RBM12: variants seen among roughly 807,000 people sequenced by gnomAD.
RBM12 encodes the protein RNA binding motif protein 12.
A neutral mutation model predicts 37.2 loss-of-function variants in RBM12; 24 were observed. The ratio of observed to expected loss-of-function variants is 0.65; its 90% CI spans 0.47 to 0.91. The LOEUF (loss-of-function observed/expected upper bound fraction) is 0.91. Ranked by LOEUF, RBM12 falls within the 40% of genes least tolerant of loss-of-function variation. The pLI is 0.00. For missense variants in RBM12, 1,061 were observed against 1,183.2 expected (o/e 0.90, Z 1.52); for synonymous variants, 420 against 425.2 (o/e 0.99, Z 0.15).
Position 35,655,060 on chromosome 20 carries a change from C to A in RBM12, c.263G>T (p.Arg88Met). 1 of 1,614,142 alleles carries A rather than the reference C, an allele frequency of 6.2e-7. No homozygotes were observed. The highest frequency in any genetic ancestry group is 8.5e-7 in the Non-Finnish European group (1 of 1,180,036). Reference sequence around the variant, plus strand: ...ATCTAAGTTGGCAGTTTCAAAACGCCTACGACTCAGTTCAATCATATTCTG... The same window carrying A: ...ATCTAAGTTGGCAGTTTCAAAACGCATACGACTCAGTTCAATCATATTCTG... ...EMQNMIELSR[R>M]RFETANLDIP... The change falls in exon 3 of 3, where the codon AGG becomes ATG. Residue 88 changes from arginine to methionine, a missense_variant. Physicochemically the swap from Arg to Met is moderately conservative, Grantham distance 91. Around this residue, in one of 3 missense-constraint regions of RBM12, gnomAD observed 540 missense variants for 632.7 expected, o/e 0.85. Transcript: ENST00000374114.
chr20:35,659,933 C>T lies in RBM12; in HGVS notation c.-107-919G>A, dbSNP rs544957542. On this transcript the variant is annotated intron_variant, in intron 1 of 2. Coordinates refer to ENST00000374114, the MANE Select transcript of RBM12 (RefSeq NM_006047.6). ...TCAGTATTAAGATTACCTACGACTA[C>T]TTTTCCAAATGATGCTCATCTTAAA... Among the ~76,000 whole-genome samples the T allele has an allele frequency of 1.3e-4, 20 of 152,298 alleles. No homozygotes were observed. In the East Asian group the frequency reaches 3.7e-3, roughly 28 times the overall value.
intron 2 of RBM12, 69 bp from the exon 3 acceptor site, chr20:35,655,413 A>G: frequency 1.5e-6 from 2 of 1,320,572 alleles, no homozygotes; most frequent in Non-Finnish European, 2.1e-6. Context: ...AGCTACAAGA[A>G]TGACCAGCTA....
chr20:35,658,156 C>T lies in RBM12; in HGVS notation c.-23+774G>A, dbSNP rs77860344. On this transcript the variant is annotated intron_variant, in intron 2 of 2. Coordinates refer to ENST00000374114, the MANE Select transcript of RBM12 (RefSeq NM_006047.6). ...TGACAGCTAAGTCATTTCAACCTAA[C>T]TTGGGCCTATCTTAGTTACTTAAAC... Among the ~76,000 whole-genome samples the T allele has an allele frequency of 3.2e-3, 484 of 152,314 alleles. 1 individual carries two copies. The highest frequency in any genetic ancestry group is 0.011 in the African/African-American group (449 of 41,564).
chr20:35,663,697 A>G (rs756425356), intron 1 of RBM12, among the ~76,000 whole-genome samples: 5 of 152,184 alleles, frequency 3.3e-5, no homozygotes, highest in Non-Finnish European at 5.9e-5. Context: ...TAACCCTCAC[A>G]AGAGCCCCTC....
chr20:35,651,508 A>G lies in RBM12; in HGVS notation c.*1016T>C, dbSNP rs1014799682. 7 of 152,246 alleles carry G rather than the reference A, an allele frequency of 4.6e-5. No individual in the cohort carries two copies. Among genetic ancestry groups the G allele is most frequent in the African/African-American group, 1.7e-4 (7 of 41,462 alleles). The allele number at this position is 152,246 out of a possible 1,614,324, so 9.4% of individuals were successfully genotyped here. A position where few individuals can be genotyped will look rare whatever the true frequency, so the allele number is the denominator to read the frequency against. On this transcript the variant is annotated 3_prime_UTR_variant, in exon 3 of 3. Transcript: ENST00000374114. ...TTCTATACTACTACTGCTAACAAAGATAATTTCAACTTCAGTTTTAAAAAC... is the reference window on the plus strand; with the variant it reads ...TTCTATACTACTACTGCTAACAAAGGTAATTTCAACTTCAGTTTTAAAAAC...
At position 35,653,907 on chromosome 20, in the gene RBM12, G is replaced by A. The variant is rs374099133; in HGVS notation, c.1416C>T (p.Gly472=). 1.4e-5 allele frequency: 23 copies of A among 1,613,950 alleles called. No individual in the cohort carries two copies. Among genetic ancestry groups the A allele is most frequent in the Admixed American group, 5.0e-5 (3 of 59,994 alleles). The change falls in exon 3 of 3, where the codon GGC becomes GGT. Residue 472 remains glycine, a synonymous_variant. Transcript: ENST00000374114. ...CATTTCTGAACTCTACAAAGCCTTC[G>A]CCAGTTGCTTTCCCATTGGGTCCAT... ...IAYGPNGKAT[G]EGFVEFRNEA...
At position 35,649,781 on chromosome 20, in the gene RBM12, A is replaced by G. The variant is rs1458563520; in HGVS notation, c.*2743T>C. The G allele has an allele frequency of 6.6e-6, 1 of 152,374 alleles. No homozygotes were observed. The allele number at this position is 152,374 out of a possible 1,614,324, so 9.4% of individuals were successfully genotyped here. Reference sequence around the variant, plus strand: ...CAATAAAAAAAAAATCAGAAGGGAGAGGAAAAAAAATTAAATCTAATGGAA... The same window carrying G: ...CAATAAAAAAAAAATCAGAAGGGAGGGGAAAAAAAATTAAATCTAATGGAA... On this transcript the variant is annotated 3_prime_UTR_variant, in exon 3 of 3. Transcript: ENST00000374114.
At position 35,653,015 on chromosome 20, in the gene RBM12, G is replaced by C. The variant is rs886883866; in HGVS notation, c.2308C>G (p.Pro770Ala). Residue 770 changes from proline to alanine, a missense_variant, in exon 3 of 3, where the codon CCG becomes GCG. By Grantham distance (27) the Pro-to-Ala change is conservative (BLOSUM62 -1). Around this residue, in one of 3 missense-constraint regions of RBM12, gnomAD observed 517 missense variants for 534.0 expected, o/e 0.97. Transcript: ENST00000374114. ...TTGTTTGGTCCACCTCCAAAACCCGGAACATCCAGTCCTAGACCAGGCAAA... is the reference window on the plus strand; with the variant it reads ...TTGTTTGGTCCACCTCCAAAACCCGCAACATCCAGTCCTAGACCAGGCAAA... ...SGLPGLGLDV[P>A]GFGGGPNNLS... is the part of the protein sequence containing the mutation. The C allele has an allele frequency of 6.2e-7, 1 of 1,613,812 alleles. No individual in the cohort carries two copies. Among genetic ancestry groups the C allele is most frequent in the South Asian group, 1.1e-5 (1 of 91,088 alleles).
At chr20:35,655,992 ATTAT>A (rs2033877257) in intron 2 of RBM12, among the ~76,000 whole-genome samples, 1 of 152,184 alleles carries the variant, frequency 6.6e-6, no homozygotes, top group African/African-American at 2.4e-5. Flanking sequence ...TACATATGGA[ATTAT>A]TTATTATAAA....
At chr20:35,661,851 A>T (rs371944575) in intron 1 of RBM12, among the ~76,000 whole-genome samples, 4 of 152,242 alleles carry the variant, frequency 2.6e-5, no homozygotes, top group Non-Finnish European at 5.9e-5. Flanking sequence ...ATCACTCTTT[A>T]ATCAACAAGA....
chr20:35,656,675 C>G (rs775356619), intron 2 of RBM12, among the ~76,000 whole-genome samples: 1 of 152,188 alleles, frequency 6.6e-6, no homozygotes, highest in East Asian at 1.9e-4. Context: ...GCTGGGATTA[C>G]AGGCATGCGC....
chr20:35,650,286 A>G lies in RBM12; in HGVS notation c.*2238T>C, dbSNP rs1295047936. ...GAACAATGAAATCGTTTTCCTTTTC[A>G]GCATTTATCTAAGATGTAGAAATAA... On this transcript the variant is annotated 3_prime_UTR_variant, in exon 3 of 3. Coordinates refer to ENST00000374114, the MANE Select transcript of RBM12 (RefSeq NM_006047.6). 1 of 152,276 alleles carries G rather than the reference A, an allele frequency of 6.6e-6. No individual in the cohort carries two copies. Among genetic ancestry groups the G allele is most frequent in the East Asian group, 1.9e-4 (1 of 5,206 alleles). 9.4% of individuals were successfully genotyped at this position (152,276 alleles called of 1,614,324 possible).
In RBM12 at chr20:35,651,540, A is replaced by G. The variant is rs1055757263; in HGVS notation, c.*984T>C. 2.6e-5 allele frequency: 4 copies of G among 152,232 alleles called. No individual in the cohort carries two copies. Among genetic ancestry groups the G allele is most frequent in the Non-Finnish European group, 5.9e-5 (4 of 68,044 alleles). 9.4% of individuals were successfully genotyped at this position (152,232 alleles called of 1,614,324 possible). A position where few individuals can be genotyped will look rare whatever the true frequency, so the allele number is the denominator to read the frequency against. ...CAACTTCAGTTTTAAAAACCTAGATATAACACTTTCTTATGAATGGGCCCC... is the reference window on the plus strand; with the variant it reads ...CAACTTCAGTTTTAAAAACCTAGATGTAACACTTTCTTATGAATGGGCCCC... On this transcript the variant is annotated 3_prime_UTR_variant, in exon 3 of 3. Transcript: ENST00000374114.
chr20:35,653,779 T>C lies in RBM12; in HGVS notation c.1544A>G (p.Asp515Gly), dbSNP rs775846511. ...GTTCTGCAGTCTTTTTCGAATCATA[T>C]CTATCTTTTCTAGCATACCTTTCTT... ...ITKKGMLEKI[D>G]MIRKRLQNFS... Residue 515 changes from aspartate to glycine, a missense_variant, in exon 3 of 3, where the codon GAT (aspartate) becomes GGT (glycine). Asp to Gly is a moderately conservative substitution (Grantham distance 94). Around this residue, in one of 3 missense-constraint regions of RBM12, gnomAD observed 517 missense variants for 534.0 expected, o/e 0.97. Coordinates refer to ENST00000374114, the MANE Select transcript of RBM12 (RefSeq NM_006047.6). 2 of 1,614,058 alleles carry C rather than the reference T, an allele frequency of 1.2e-6. No individual in the cohort carries two copies. Among genetic ancestry groups the C allele is most frequent in the South Asian group, 1.1e-5 (1 of 91,092 alleles).
chr20:35,653,175 A>G lies in RBM12; in HGVS notation c.2148T>C (p.Asn716=), dbSNP rs2146345942. 1 of 1,613,524 alleles carries G rather than the reference A, an allele frequency of 6.2e-7. No individual in the cohort carries two copies. Among genetic ancestry groups the G allele is most frequent in the Non-Finnish European group, 8.5e-7 (1 of 1,180,028 alleles). The change falls in exon 3 of 3, where the codon AAT becomes AAC. Residue 716 remains asparagine, a synonymous_variant. Coordinates refer to ENST00000374114, the MANE Select transcript of RBM12 (RefSeq NM_006047.6). ...AFLTVGSKEA[N]NGPPFNFPGN... is the part of the protein sequence containing the mutation. ...CAGGAAAGTTAAATGGAGGCCCATT[A>G]TTGGCTTCCTTTGATCCTACAGTCA...
At chr20:35,656,240 T>C (rs919972094) in intron 2 of RBM12, among the ~76,000 whole-genome samples, 16 of 152,232 alleles carry the variant, frequency 1.1e-4, no homozygotes, top group African/African-American at 3.4e-4. Flanking sequence ...TTTTTTGTTT[T>C]TGTTTTAGAA....
chr20:35,655,132 A>G lies in RBM12; in HGVS notation c.191T>C (p.Ile64Thr). 1 of 1,614,110 alleles carries G rather than the reference A, an allele frequency of 6.2e-7. No homozygotes were observed. The highest frequency in any genetic ancestry group is 2.2e-5 in the East Asian group (1 of 44,880). ...RLGMMRTGGT[I>T]KGSKVTLLLS... ...CAATAGTGTTACTTTTGACCCTTTA[A>G]TTGTACCACCTGTGCGCATCATACC... Residue 64 changes from isoleucine (I) to threonine (T), a missense_variant, in exon 3 of 3, where the codon ATT (isoleucine) becomes ACT (threonine). Ile to Thr is a moderately conservative substitution (Grantham distance 89, BLOSUM62 -1). Transcript: ENST00000374114.
In RBM12 at chr20:35,650,806, A is replaced by C. The variant is rs1224740229; in HGVS notation, c.*1718T>G. ...CACAACCGCTGTATTTCAGTGTTCC[A>C]CTGACTCACAACACCAAAAAGGCAC... is the stretch of plus-strand genomic sequence containing the variant. On this transcript the variant is annotated 3_prime_UTR_variant, in exon 3 of 3. Coordinates refer to ENST00000374114, the MANE Select transcript of RBM12 (RefSeq NM_006047.6). 1 of 152,610 alleles carries C rather than the reference A, an allele frequency of 6.6e-6. No individual in the cohort carries two copies. The highest frequency in any genetic ancestry group is 2.4e-5 in the African/African-American group (1 of 41,440). 9.5% of individuals were successfully genotyped at this position (152,610 alleles called of 1,614,324 possible).
chr20:35,660,287 T>C (rs1469113823), intron 1 of RBM12, among the ~76,000 whole-genome samples: 1 of 152,088 alleles, frequency 6.6e-6, no homozygotes, highest in South Asian at 2.1e-4. Context: ...ATTAGGCTCA[T>C]TGCAACCTCC....
Sources: allele counts gnomAD v4.1 joint callset (sites outside exome capture counted in the v4.1 genomes callset), GRCh38; gene constraint gnomAD v4.1.1; regional missense constraint gnomAD v4.1.1; transcripts MANE v1.5; gene names NCBI Gene and HGNC (gene_info 2026-07-23, HGNC 2026-07-21).